The following SLC38A8 variants were observed in gnomAD, a reference collection of about 807,000 sequenced individuals.
SLC38A8 encodes amino acid transporter SLC38A8.
SLC38A8 carries 65 observed loss-of-function variants against 46.0 expected under a neutral mutation model. The observed-to-expected ratio is 1.41, with a 90% confidence interval of 1.16 to 1.74. The LOEUF is 1.74. Ranked by LOEUF, SLC38A8 falls within the 40% of genes most tolerant of loss-of-function variation. The pLI is 0.00. For missense variants in SLC38A8, 998 were observed against 567.9 expected (o/e 1.76, Z -7.70); for synonymous variants, 447 against 243.7 (o/e 1.83, Z -7.77).
chr16:84,025,032 G>A (rs1020909153), intron 6 of SLC38A8, among the ~76,000 whole-genome samples: 4 of 152,132 alleles, frequency 2.6e-5, no homozygotes, highest in Non-Finnish European at 5.9e-5. Flanking sequence ...GAGCCCATGA[G>A]TCATGTGAAT....
Position 84,009,696 on chromosome 16 carries a change from A to C in SLC38A8, c.*88T>G. On this transcript the variant is annotated 3_prime_UTR_variant, in exon 11 of 11. Transcript: ENST00000299709. ...TCTCTCCAGCATCTTTATGAGGAAA[A>C]GAAATGGCATCGGTCTCCTGGCTGC... 8.8e-7 allele frequency: 1 copy of C among 1,131,778 alleles called. No homozygotes were observed. Among genetic ancestry groups the C allele is most frequent in the Non-Finnish European group, 1.3e-6 (1 of 793,908 alleles). 70.1% of individuals were successfully genotyped at this position (1,131,778 alleles called of 1,614,324 possible). A position where few individuals can be genotyped will look rare whatever the true frequency, so the allele number is the denominator to read the frequency against.
In SLC38A8 at chr16:84,009,868, C is replaced by T; in HGVS notation, c.1224G>A (p.Leu408=). The T allele has an allele frequency of 6.2e-7, 1 of 1,613,692 alleles. No homozygotes were observed. The highest frequency in any genetic ancestry group is 8.5e-7 in the Non-Finnish European group (1 of 1,179,900). ...EPIGPRVKCC[L]EVWGVVSVLV... is the part of the protein sequence containing the mutation. ...GCACAGAGACCACTCCCCAGACCTC[C>T]AGGCAGCACCTGCCAAGTGAATAAA... is the stretch of plus-strand genomic sequence containing the variant. Residue 408 remains leucine (L), a synonymous_variant, in exon 11 of 11, where the codon CTG becomes CTA. Transcript: ENST00000299709.
rs1262707682 is a variant in SLC38A8, at chr16:84,009,742, C to G, written c.*42G>C. ...GCTGCATACAGCAGCCACGTAGGGT[C>G]AGCCCCCGGAGGGCCCCTTCCTGCC... is the stretch of plus-strand genomic sequence containing the variant. On this transcript the variant is annotated 3_prime_UTR_variant, in exon 11 of 11. Transcript: ENST00000299709. The G allele has an allele frequency of 1.5e-5, 23 of 1,570,464 alleles. No homozygotes were observed. Among genetic ancestry groups the G allele is most frequent in the Non-Finnish European group, 1.9e-5 (22 of 1,150,154 alleles).
chr16:84,012,848 T>C lies in SLC38A8; in HGVS notation c.1214+153A>G, dbSNP rs1426356690. 6.6e-6 allele frequency among the ~76,000 whole-genome samples: 1 copy of C among 152,166 alleles called. No individual in the cohort carries two copies. The highest frequency in any genetic ancestry group is 1.5e-5 in the Non-Finnish European group (1 of 68,026). ...TCCTATCCTGGCTCAGATGCCCTCA[T>C]ACTGGGTAGACAGAGACTCTCTTCC... On this transcript the variant is annotated intron_variant, in intron 10 of 10. Transcript: ENST00000299709.
intron 10 of SLC38A8, among the ~76,000 whole-genome samples, chr16:84,012,520 C>G (rs111992992): frequency 1.3e-5 from 2 of 152,300 alleles, no homozygotes; most frequent in African/African-American, 4.8e-5. Context: ...GCCTCCTCAG[C>G]TGTAGGATGA....
In SLC38A8 at chr16:84,016,718, C is replaced by A. The variant is rs750793309; in HGVS notation, c.963G>T (p.Met321Ile). 3 of 1,612,232 alleles carry A rather than the reference C, an allele frequency of 1.9e-6. No homozygotes were observed. The South Asian group carries it at 3.3e-5, about 18-fold the overall frequency. ...PIVLFLGRSV[M>I]QDFWRRSCLG... ...AGCAGCTCCTCCTCCAGAAGTCCTG[C>A]ATCACTGACCTGGAGGCCACAGCCA... The change falls in exon 9 of 11, where the codon ATG (methionine) becomes ATT (isoleucine). Residue 321 changes from methionine to isoleucine, a missense_variant. By Grantham distance (10) the Met-to-Ile change is conservative (BLOSUM62 1). Coordinates refer to ENST00000299709, the MANE Select transcript of SLC38A8 (RefSeq NM_001080442.3).
Position 84,033,361 on chromosome 16 carries a change from G to A in SLC38A8, c.497C>T (p.Ala166Val), listed in dbSNP as rs1322539269. The A allele has an allele frequency of 6.2e-7, 1 of 1,613,988 alleles. No homozygotes were observed. Among genetic ancestry groups the A allele is most frequent in the Non-Finnish European group, 8.5e-7 (1 of 1,180,032 alleles). The change falls in exon 4 of 11, where the codon GCC becomes GTC. Residue 166 changes from alanine to valine, a missense_variant. Coordinates refer to ENST00000299709, the MANE Select transcript of SLC38A8 (RefSeq NM_001080442.3). The part of the protein sequence containing the change: ...LSVLVILPLS[A>V]PREIAFQKYT... The stretch of plus-strand genomic sequence containing the variant: ...TTTCTGGAAGGCGATCTCCCGCGGG[G>A]CAGACAGGGGCAGGATGACCAGCAC...
Position 84,036,862 on chromosome 16 carries a change from C to G in SLC38A8, c.228G>C (p.Leu76=). 2 of 1,613,332 alleles carry G rather than the reference C, an allele frequency of 1.2e-6. No individual in the cohort carries two copies. Among genetic ancestry groups the G allele is most frequent in the African/African-American group, 1.3e-5 (1 of 75,030 alleles). The change falls in exon 3 of 11, where the codon CTG becomes CTC. Residue 76 remains leucine, a synonymous_variant. Transcript: ENST00000299709. ...GGCCACTGACAGCAGCAGCATAGCC[C>G]AGGATGACCAGCCCGCTGATCAGGA... ...LVFLISGLVI[L]GYAAAVSGQA...
chr16:84,034,046 G>A (rs893132589), intron 3 of SLC38A8, among the ~76,000 whole-genome samples: 1 of 152,172 alleles, frequency 6.6e-6, no homozygotes, highest in Non-Finnish European at 1.5e-5. Flanking sequence ...GGGGGTCTCT[G>A]GCTGGCAGTG....
intron 9 of SLC38A8, among the ~76,000 whole-genome samples, chr16:84,015,896 C>T (rs969521172): frequency 1.3e-5 from 2 of 152,194 alleles, no homozygotes; most frequent in Non-Finnish European, 2.9e-5. Context: ...GTAGGCTGGT[C>T]TCGACCTCCT....
intron 7 of SLC38A8, among the ~76,000 whole-genome samples, chr16:84,022,305 G>C (rs915386068): frequency 6.6e-6 from 1 of 152,214 alleles, no homozygotes; most frequent in Non-Finnish European, 1.5e-5. Flanking sequence ...GATCCTGCGT[G>C]TCACAGCCCC....
chr16:84,011,836 A>G (rs1199699112), intron 10 of SLC38A8, among the ~76,000 whole-genome samples: 3 of 152,178 alleles, frequency 2.0e-5, no homozygotes, highest in Non-Finnish European at 4.4e-5. Flanking sequence ...GTGAGCCACA[A>G]TTACGCCACT....
intron 4 of SLC38A8, 78 bp downstream of exon 4, chr16:84,033,250 G>C (rs1211617600): frequency 1.3e-6 from 2 of 1,591,806 alleles, no homozygotes; most frequent in African/African-American, 2.7e-5. Flanking sequence ...CAGCTCCTCT[G>C]ACCCCAGATG....
At chr16:84,022,577 C>G (rs549916027) in intron 7 of SLC38A8, among the ~76,000 whole-genome samples, 198 bp downstream of exon 7, 1 of 152,196 alleles carries the variant, frequency 6.6e-6, no homozygotes, top group Non-Finnish European at 1.5e-5. Flanking sequence ...CGAACAAGTT[C>G]TGGAGGGCAC....
chr16:84,023,835 A>G (rs1190176923), intron 6 of SLC38A8, among the ~76,000 whole-genome samples: 1 of 152,242 alleles, frequency 6.6e-6, no homozygotes, highest in East Asian at 1.9e-4. Flanking sequence ...CGGAGGTTGC[A>G]GTGAGCCAAG....
At chr16:84,038,127 A>G (rs2085322824) in intron 2 of SLC38A8, among the ~76,000 whole-genome samples, 2 of 152,072 alleles carry the variant, frequency 1.3e-5, no homozygotes, top group Non-Finnish European at 2.9e-5. Flanking sequence ...CCTGGCCAAC[A>G]TGATGAAACC....
chr16:84,028,543 T>C (rs80120820), intron 6 of SLC38A8, among the ~76,000 whole-genome samples: 4,310 of 140,194 alleles, frequency 0.031, 232 homozygotes, highest in African/African-American at 0.11. Flanking sequence ...GCCTGGGCAA[T>C]AAGAATGAGA....
chr16:84,015,812 T>A (rs1387842370), intron 9 of SLC38A8, among the ~76,000 whole-genome samples: 1 of 152,160 alleles, frequency 6.6e-6, no homozygotes, highest in Admixed American at 6.5e-5. Context: ...TTCAAGTGAT[T>A]CTCCTGCCTA....
intron 7 of SLC38A8, among the ~76,000 whole-genome samples, chr16:84,018,788 A>T (rs941308120): frequency 3.3e-5 from 5 of 152,214 alleles, no homozygotes; most frequent in African/African-American, 1.2e-4. Context: ...TTAGACAAAG[A>T]ATAAATCTGA....
Sources: allele counts gnomAD v4.1 joint callset (sites outside exome capture counted in the v4.1 genomes callset), GRCh38; gene constraint gnomAD v4.1.1; transcripts MANE v1.5; gene names NCBI Gene and HGNC (gene_info 2026-07-23, HGNC 2026-07-21).